Variants in BTBD9 observed in about 807,000 individuals in gnomAD.
BTBD9 encodes BTB domain containing 9.
Under a neutral mutation model 64.3 loss-of-function variants are expected in BTBD9, and 49 were observed. That is an observed-to-expected ratio of 0.76 (90% CI 0.61 to 0.97). BTBD9 has a LOEUF of 0.97. BTBD9 is among the 50% of genes least tolerant of loss of function. BTBD9 has a pLI of 0.00. For missense variants in BTBD9, 598 were observed against 762.1 expected, an observed-to-expected ratio of 0.78 and a Z score of 2.53; for synonymous variants, 260 against 274.7, an observed-to-expected ratio of 0.95 and a Z score of 0.53.
chr6:38,324,286 T>A (rs1194776124), intron 7 of BTBD9, among the ~76,000 whole-genome samples: 2 of 152,184 alleles, frequency 1.3e-5, no homozygotes, highest in African/African-American at 4.8e-5. Context: ...CCATTTTATT[T>A]AAGGAAACAG....
intron 1 of BTBD9, among the ~76,000 whole-genome samples, chr6:38,601,447 C>A (rs943182138): frequency 3.3e-5 from 5 of 152,094 alleles, no homozygotes; most frequent in Non-Finnish European, 7.4e-5. Context: ...GTAGCTCATG[C>A]CTGTAATCCC....
At chr6:38,277,252 T>C (rs1761303967) in intron 8 of BTBD9, among the ~76,000 whole-genome samples, 1 of 152,100 alleles carries the variant, frequency 6.6e-6, no homozygotes, top group African/African-American at 2.4e-5. Context: ...GTCATGAATA[T>C]GAAACCAAAC....
At chr6:38,195,128 T>C (rs1762232229) in intron 9 of BTBD9, among the ~76,000 whole-genome samples, 2 of 152,196 alleles carry the variant, frequency 1.3e-5, no homozygotes, top group Admixed American at 1.3e-4. Context: ...CCATTTCCCC[T>C]GAACTTTTTC....
chr6:38,368,603 G>A (rs924864287), intron 6 of BTBD9, among the ~76,000 whole-genome samples: 7 of 152,102 alleles, frequency 4.6e-5, no homozygotes, highest in Admixed American at 4.6e-4. Context: ...AAAGTGCTAG[G>A]ATTACAGGTG....
At chr6:38,540,134 A>G (rs1039495325) in intron 6 of BTBD9, among the ~76,000 whole-genome samples, 2 of 152,212 alleles carry the variant, frequency 1.3e-5, no homozygotes, top group African/African-American at 4.8e-5. Flanking sequence ...AAAGTATACT[A>G]GGGGCACAGG....
At chr6:38,207,576 C>A (rs1158011116) in intron 9 of BTBD9, among the ~76,000 whole-genome samples, 1 of 152,084 alleles carries the variant, frequency 6.6e-6, no homozygotes, top group Non-Finnish European at 1.5e-5. Flanking sequence ...TGAGCCGTGA[C>A]TGCACTGCTG....
chr6:38,234,079 C>T (rs918687614), intron 9 of BTBD9, among the ~76,000 whole-genome samples: 1 of 152,196 alleles, frequency 6.6e-6, no homozygotes, highest in Non-Finnish European at 1.5e-5. Context: ...ATTCCAGTCA[C>T]GAGGTATGTA....
chr6:38,365,668 G>C lies in BTBD9; in HGVS notation c.1155-20575C>G, dbSNP rs1279504005. Reference sequence around the variant, plus strand: ...AGCTTCTCAGAAGACTGAGGTGGGAGGATTGCTTGAGTCCAGGAGGTTGAG... The same window carrying C: ...AGCTTCTCAGAAGACTGAGGTGGGACGATTGCTTGAGTCCAGGAGGTTGAG... On this transcript the variant is annotated intron_variant, in intron 6 of 10. Coordinates refer to ENST00000481247, the MANE Select transcript of BTBD9 (RefSeq NM_001099272.2). Among the ~76,000 whole-genome samples, 24 of 151,886 alleles carry C rather than the reference G, an allele frequency of 1.6e-4. 1 individual carries two copies. The highest frequency in any genetic ancestry group is 1.6e-3 in the Admixed American group (24 of 15,254).
At chr6:38,547,996 G>A (rs999028496) in intron 6 of BTBD9, among the ~76,000 whole-genome samples, 2 of 152,114 alleles carry the variant, frequency 1.3e-5, no homozygotes, top group Non-Finnish European at 2.9e-5. Flanking sequence ...GTTCTAAGGA[G>A]TTAAAAAGAA....
intron 1 of BTBD9, among the ~76,000 whole-genome samples, chr6:38,622,064 A>G (rs975337113): frequency 6.6e-6 from 1 of 152,192 alleles, no homozygotes; most frequent in African/African-American, 2.4e-5. Context: ...CCCTCCACCA[A>G]ACTTTTCATA....
At chr6:38,523,620 CT>C (rs1237798288) in intron 6 of BTBD9, among the ~76,000 whole-genome samples, 2 of 152,196 alleles carry the variant, frequency 1.3e-5, no homozygotes, top group Non-Finnish European at 2.9e-5. Context: ...TATCCAAATG[CT>C]ATCTGCCCTT....
intron 6 of BTBD9, among the ~76,000 whole-genome samples, chr6:38,428,163 T>C (rs1768265312): frequency 6.6e-6 from 1 of 151,940 alleles, no homozygotes; most frequent in African/African-American, 2.4e-5. Context: ...TAACGAGATA[T>C]ATCCCTGACA....
rs560422951 is a variant in BTBD9, at chr6:38,277,909, G to A, written c.1454+10363C>T. ...AATGGCAAGCAGGAGGTAGTGTTCT[G>A]TGGCAGAGCTGTTGGCTAGATAAGC... On this transcript the variant is annotated intron_variant, in intron 8 of 10. Coordinates refer to ENST00000481247, the MANE Select transcript of BTBD9 (RefSeq NM_001099272.2). 6.4e-4 allele frequency among the ~76,000 whole-genome samples: 98 copies of A among 152,232 alleles called. 1 individual carries two copies. The South Asian group carries it at 0.02, about 30-fold the overall frequency.
intron 9 of BTBD9, among the ~76,000 whole-genome samples, chr6:38,242,705 G>T (rs1201209740): frequency 6.6e-6 from 1 of 152,194 alleles, no homozygotes; most frequent in Non-Finnish European, 1.5e-5. Context: ...AATAGTATGA[G>T]CCTCTACCTA....
intron 10 of BTBD9, 92 bp downstream of exon 10, chr6:38,192,427 G>T: frequency 8.4e-7 from 1 of 1,184,744 alleles, no homozygotes; most frequent in Non-Finnish European, 1.2e-6. Flanking sequence ...GCCATTAGCA[G>T]GCAGAACAAA....
intron 6 of BTBD9, among the ~76,000 whole-genome samples, chr6:38,461,904 T>C (rs377438735): frequency 1.4e-4 from 22 of 152,200 alleles, no homozygotes; most frequent in Non-Finnish European, 2.8e-4. Flanking sequence ...AGCCTTAATT[T>C]GCATTTCCCT....
chr6:38,280,434 G>A (rs892124708), intron 8 of BTBD9, among the ~76,000 whole-genome samples: 17 of 152,188 alleles, frequency 1.1e-4, no homozygotes, highest in African/African-American at 2.9e-4. Context: ...TGTGACAGAC[G>A]ACATTCAGCA....
intron 6 of BTBD9, among the ~76,000 whole-genome samples, chr6:38,417,925 C>T (rs1471926062): frequency 6.6e-6 from 1 of 152,148 alleles, no homozygotes; most frequent in African/African-American, 2.4e-5. Context: ...ATCATCACAG[C>T]TAACTTTTTC....
intron 8 of BTBD9, among the ~76,000 whole-genome samples, chr6:38,275,035 G>A (rs1156434767): frequency 2.6e-5 from 4 of 152,064 alleles, no homozygotes; most frequent in Admixed American, 6.6e-5. Flanking sequence ...AGCCCGCATC[G>A]CCAAGTCAAT....
Sources: allele counts gnomAD v4.1 joint callset (sites outside exome capture counted in the v4.1 genomes callset), GRCh38; gene constraint gnomAD v4.1.1; transcripts MANE v1.5; gene names NCBI Gene and HGNC (gene_info 2026-07-23, HGNC 2026-07-21).